The following HIVEP3 variants were observed in gnomAD, a reference collection of about 807,000 sequenced individuals.
The protein encoded by HIVEP3 is HIVEP zinc finger 3, also known as transcription factor HIVEP3.
A neutral mutation model predicts 152.8 loss-of-function variants in HIVEP3; 49 were observed. The ratio of observed to expected loss-of-function variants is 0.32; its 90% confidence interval spans 0.26 to 0.41. The LOEUF (loss-of-function observed/expected upper bound fraction) is 0.41, where lower values mean the gene tolerates loss of function less well. Among genes scored for constraint, HIVEP3 ranks in the 10% least tolerant of loss-of-function variants. HIVEP3 has a pLI of 1.00. For synonymous variants in HIVEP3, 1,269 were observed against 1,289.0 expected, an observed-to-expected ratio of 0.98 and a Z score of 0.33; for missense variants, 2,790 against 3,103.3, an observed-to-expected ratio of 0.90 and a Z score of 2.40.
chr1:41,687,536 A>G (rs1646132036), intron 2 of HIVEP3, among the ~76,000 whole-genome samples: 1 of 152,236 alleles, frequency 6.6e-6, no homozygotes. Context: ...GGAGAGAAAC[A>G]GAGCAGTCTT....
Position 41,510,828 on chromosome 1 carries a change from C to T in HIVEP3, c.6844G>A (p.Gly2282Ser), listed in dbSNP as rs533353098. 9.4e-5 allele frequency: 152 copies of T among 1,612,892 alleles called. 1 individual carries two copies. In the South Asian group the frequency reaches 1.4e-3, roughly 15 times the overall value. ...TCAGGAGGCCTGCCCGGGCCTCCGCCGGTCCTCTCCCTCTCCTTGGGGTAG... is the reference window on the plus strand; with the variant it reads ...TCAGGAGGCCTGCCCGGGCCTCCGCTGGTCCTCTCCCTCTCCTTGGGGTAG... ...GDYPKERERT[G>S]GGPGRPPDWT... Residue 2282 changes from glycine (G) to serine (S), a missense_variant, in exon 9 of 9, where the codon GGC becomes AGC. Around this residue, in one of 9 missense-constraint regions of HIVEP3, gnomAD observed 816 missense variants for 806.5 expected, o/e 1.01. Transcript: ENST00000372583.
At chr1:41,796,888 C>T (rs1281439881) in intron 1 of HIVEP3, among the ~76,000 whole-genome samples, 2 of 152,176 alleles carry the variant, frequency 1.3e-5, no homozygotes, top group Non-Finnish European at 2.9e-5. Flanking sequence ...GCTTCAAGTT[C>T]CTGCCATAAA....
chr1:41,696,471 C>T (rs756269124), intron 2 of HIVEP3, among the ~76,000 whole-genome samples: 3 of 152,262 alleles, frequency 2.0e-5, no homozygotes, highest in Non-Finnish European at 4.4e-5. Flanking sequence ...CAGCTGTCTA[C>T]ATAAGGTGCC....
At chr1:41,995,668 C>T (rs1308065645) in intron 1 of HIVEP3, among the ~76,000 whole-genome samples, 1 of 152,164 alleles carries the variant, frequency 6.6e-6, no homozygotes, top group East Asian at 1.9e-4. Context: ...GAATAAAATG[C>T]ATGACAACAA....
At chr1:41,598,525 C>T (rs933443187) in intron 3 of HIVEP3, among the ~76,000 whole-genome samples, 10 of 152,230 alleles carry the variant, frequency 6.6e-5, no homozygotes, top group Non-Finnish European at 1.3e-4. Context: ...TTCTGTCATT[C>T]TTGCCCACAT....
chr1:41,801,076 T>C lies in HIVEP3; in HGVS notation c.-800-100081A>G, dbSNP rs140530345. On this transcript the variant is annotated intron_variant, in intron 1 of 8. Coordinates refer to ENST00000372583, the MANE Select transcript of HIVEP3 (RefSeq NM_024503.5). ...ACAAAGGACTTAAAAGCAGGTACGA[T>C]GAAGGGAGGTCAGAAGACAGGCAGT... Among the ~76,000 whole-genome samples the C allele has an allele frequency of 4.7e-3, 710 of 152,200 alleles. 6 individuals are homozygous for C. Among genetic ancestry groups the C allele is most frequent in the Middle Eastern group, 0.044 (13 of 294 alleles).
At chr1:41,545,440 C>T (rs1210225397) in intron 5 of HIVEP3, among the ~76,000 whole-genome samples, 12 of 136,808 alleles carry the variant, frequency 8.8e-5, no homozygotes, top group Admixed American at 7.0e-4. Context: ...ACCACCACCA[C>T]CTCTACCACC....
chr1:41,821,122 G>A (rs986717225), intron 1 of HIVEP3, among the ~76,000 whole-genome samples: 2 of 152,192 alleles, frequency 1.3e-5, no homozygotes, highest in Admixed American at 6.5e-5. Flanking sequence ...GGTGGCTGCT[G>A]ACTGATAGGT....
intron 1 of HIVEP3, among the ~76,000 whole-genome samples, chr1:41,778,153 G>A (rs1168600491): frequency 6.6e-6 from 1 of 152,146 alleles, no homozygotes; most frequent in African/African-American, 2.4e-5. Flanking sequence ...CCTTATCTTC[G>A]GTAATGAACG....
intron 2 of HIVEP3, among the ~76,000 whole-genome samples, chr1:41,688,301 T>G (rs1279883038): frequency 6.6e-6 from 1 of 152,254 alleles, no homozygotes; most frequent in Admixed American, 6.5e-5. Flanking sequence ...TTCCCTGTCT[T>G]TCTCAGGGTG....
rs200833408 is a variant in HIVEP3 at position 41,584,618 on chromosome 1, C to A, written c.180G>T (p.Pro60=). 2 of 1,609,770 alleles carry A rather than the reference C, an allele frequency of 1.2e-6. No individual in the cohort carries two copies. Among genetic ancestry groups the A allele is most frequent in the Non-Finnish European group, 1.7e-6 (2 of 1,177,286 alleles). ...CTTCCCTAAGAACTGATGAGGGGCC[C>A]GGGAAGGGCTGCGGGGCTAAGAGCT... The part of the protein sequence containing the change: ...AQELLAPQPF[P]GPSSVLREGS... The change falls in exon 4 of 9, where the codon CCG becomes CCT. Residue 60 remains proline (P), a synonymous_variant. Coordinates refer to ENST00000372583, the MANE Select transcript of HIVEP3 (RefSeq NM_024503.5). The surrounding 1 kb of genome is among the most constrained non-coding windows in gnomAD (Gnocchi z 5.2).
intron 3 of HIVEP3, among the ~76,000 whole-genome samples, chr1:41,610,130 A>G (rs901911706): frequency 6.6e-6 from 1 of 152,104 alleles, no homozygotes; most frequent in African/African-American, 2.4e-5. Flanking sequence ...AGCCTCCACA[A>G]CTGCATGAGC....
chr1:41,719,257 TC>T (rs1646642589), intron 1 of HIVEP3, among the ~76,000 whole-genome samples: 1 of 152,048 alleles, frequency 6.6e-6, no homozygotes, highest in African/African-American at 2.4e-5. Flanking sequence ...TCAAACAAAA[TC>T]AAGTACAAAG....
intron 6 of HIVEP3, among the ~76,000 whole-genome samples, chr1:41,523,846 G>T (rs141347586): frequency 1.7e-3 from 253 of 152,340 alleles, no homozygotes; most frequent in Middle Eastern, 3.4e-3. Flanking sequence ...AATCTATCAA[G>T]CTCCAGAGGC....
intron 1 of HIVEP3, among the ~76,000 whole-genome samples, chr1:42,027,147 T>C (rs1645586755): frequency 6.6e-6 from 1 of 152,232 alleles, no homozygotes; most frequent in South Asian, 2.1e-4. Flanking sequence ...AATGAAGCTA[T>C]GTTTTTACAC....
intron 1 of HIVEP3, among the ~76,000 whole-genome samples, chr1:41,871,799 A>T (rs1644084745): frequency 6.6e-6 from 1 of 152,252 alleles, no homozygotes; most frequent in Non-Finnish European, 1.5e-5. Context: ...TAGATAAAAG[A>T]CAAGAATAGG....
intron 1 of HIVEP3, among the ~76,000 whole-genome samples, chr1:41,838,397 CTGTGTCATT>C (rs1222565926): frequency 6.6e-6 from 1 of 152,150 alleles, no homozygotes; most frequent in Admixed American, 6.5e-5. Context: ...CTTCCTATAA[CTGTGTCATT>C]TCTTCACTCC....
At position 41,518,467 on chromosome 1, in the gene HIVEP3, T is replaced by C. The variant is rs896400722; in HGVS notation, c.5405A>G (p.Lys1802Arg). Residue 1802 changes from lysine to arginine, a missense_variant, in exon 7 of 9, where the codon AAG becomes AGG. This residue lies in a region of HIVEP3 where 57 missense variants were observed against 95.1 expected (regional missense o/e 0.60). Coordinates refer to ENST00000372583, the MANE Select transcript of HIVEP3 (RefSeq NM_024503.5). Reference sequence around the variant, plus strand: ...GCACTTTTTGCTGTGGGCCTTCGACTTCATGTGCTTAGTCAGATTCCCTAG... The same window carrying C: ...GCACTTTTTGCTGTGGGCCTTCGACCTCATGTGCTTAGTCAGATTCCCTAG... ...KTKGNLTKHM[K>R]SKAHSKKCQE... 6.2e-7 allele frequency: 1 copy of C among 1,614,044 alleles called. No individual in the cohort carries two copies. The highest frequency in any genetic ancestry group is 8.5e-7 in the Non-Finnish European group (1 of 1,179,976).
chr1:41,542,722 T>G (rs1378050436), intron 5 of HIVEP3: 3 of 152,666 alleles, frequency 2.0e-5, no homozygotes, highest in Non-Finnish European at 4.4e-5. Context: ...GCCGCCAACA[T>G]GGAATGTGAA....
Sources: gnomAD v4.1 joint callset for allele counts (sites outside exome capture counted in the v4.1 genomes callset) on GRCh38, gnomAD v4.1.1 for gene constraint, gnomAD v4.1.1 regional missense constraint, Gnocchi (gnomAD v3.1) non-coding constraint, MANE v1.5 for transcripts, NCBI Gene and HGNC (gene_info 2026-07-23, HGNC 2026-07-21) for gene names.